MAML3: variants seen among roughly 807,000 people sequenced by gnomAD.
MAML3 encodes the protein mastermind like transcriptional coactivator 3, also known as mastermind-like protein 3.
MAML3 carries 27 observed loss-of-function variants against 101.9 expected under a neutral mutation model. The observed-to-expected ratio is 0.27, with a 90% CI of 0.20 to 0.37. The LOEUF is 0.37. Among genes scored for constraint, MAML3 ranks in the 10% least tolerant of loss-of-function variants. The pLI is 1.00. For missense variants in MAML3, 1,316 were observed against 1,444.9 expected (o/e 0.91, Z 1.45); for synonymous variants, 501 against 555.9 (o/e 0.90, Z 1.39).
At chr4:139,955,159 T>C (rs1490337370) in intron 1 of MAML3, among the ~76,000 whole-genome samples, 1 of 152,124 alleles carries the variant, frequency 6.6e-6, no homozygotes. Context: ...GAGTCCCTGA[T>C]TGCAAATTTT....
At chr4:139,844,992 CTGTCTCTCTCTCTG>C (rs930144964) in intron 2 of MAML3, among the ~76,000 whole-genome samples, 7 of 151,878 alleles carry the variant, frequency 4.6e-5, no homozygotes, top group African/African-American at 1.7e-4. Flanking sequence ...CTCTCTCTGT[CTGTCTCTCTCTCTG>C]TCTCTCTCTC....
At chr4:140,092,064 A>ATATATATATACG (rs1201377178) in intron 1 of MAML3, among the ~76,000 whole-genome samples, 2 of 70,738 alleles carry the variant, frequency 2.8e-5, no homozygotes, top group Non-Finnish European at 8.3e-5. Context: ...TAAAAACTTT[A>ATATATATATACG]TATATATATA....
intron 2 of MAML3, among the ~76,000 whole-genome samples, chr4:139,874,375 T>C (rs2111179829): frequency 6.6e-6 from 1 of 152,320 alleles, no homozygotes; most frequent in East Asian, 1.9e-4. Flanking sequence ...GGAACAATCT[T>C]GTCAGAGCCA....
At chr4:140,104,382 T>TATATATTATATA (rs1728305627) in intron 1 of MAML3, among the ~76,000 whole-genome samples, 2 of 39,910 alleles carry the variant, frequency 5.0e-5, no homozygotes, top group African/African-American at 1.0e-4. Flanking sequence ...ATATAATATA[T>TATATATTATATA]ATATATTATA....
intron 1 of MAML3, among the ~76,000 whole-genome samples, chr4:140,123,510 T>G (rs1339901482): frequency 6.6e-6 from 1 of 152,142 alleles, no homozygotes; most frequent in Non-Finnish European, 1.5e-5. Context: ...TTTCCTATTT[T>G]CTCTTTCTCT....
chr4:139,803,012 C>T (rs1416640972), intron 2 of MAML3, among the ~76,000 whole-genome samples: 2 of 152,228 alleles, frequency 1.3e-5, no homozygotes, highest in Non-Finnish European at 2.9e-5. Context: ...AACTATTTCT[C>T]TTTATAAATG....
At chr4:139,742,245 C>T (rs1331681990) in intron 2 of MAML3, among the ~76,000 whole-genome samples, 1 of 151,504 alleles carries the variant, frequency 6.6e-6, no homozygotes, top group African/African-American at 2.4e-5. Flanking sequence ...GCCTCCCGGG[C>T]TCAAGCAATT....
intron 2 of MAML3, among the ~76,000 whole-genome samples, chr4:139,848,733 C>G (rs1201200564): frequency 1.3e-5 from 2 of 152,094 alleles, no homozygotes; most frequent in South Asian, 2.1e-4. Flanking sequence ...TAAGTTTTGT[C>G]TAAGTTTTAG....
At chr4:140,088,065 A>C (rs1276658348) in intron 1 of MAML3, among the ~76,000 whole-genome samples, 2 of 152,072 alleles carry the variant, frequency 1.3e-5, no homozygotes, top group East Asian at 3.9e-4. Flanking sequence ...CTCAACTCCA[A>C]AAAAAATTTA....
At chr4:139,894,374 G>A (rs1266716187) in intron 1 of MAML3, among the ~76,000 whole-genome samples, 1 of 152,038 alleles carries the variant, frequency 6.6e-6, no homozygotes, top group Non-Finnish European at 1.5e-5. Context: ...CTGGGGTGGT[G>A]GCACACACCT....
intron 2 of MAML3, among the ~76,000 whole-genome samples, chr4:139,806,264 T>A (rs919823975): frequency 6.6e-6 from 1 of 152,096 alleles, no homozygotes; most frequent in Non-Finnish European, 1.5e-5. Context: ...ATATGTAAGT[T>A]TTTTAGAAAA....
intron 1 of MAML3, among the ~76,000 whole-genome samples, chr4:140,089,846 C>G (rs1043454818): frequency 2.6e-5 from 4 of 152,168 alleles, no homozygotes; most frequent in Non-Finnish European, 4.4e-5. Flanking sequence ...TGGTCTTGAA[C>G]TCCTGGCCTC....
intron 2 of MAML3, among the ~76,000 whole-genome samples, chr4:139,772,613 G>T (rs1234399212): frequency 6.6e-6 from 1 of 151,756 alleles, no homozygotes; most frequent in Non-Finnish European, 1.5e-5. Flanking sequence ...CAAGTGCAGG[G>T]ATTACAGGTG....
At chr4:140,149,736 T>C (rs1323625905) in intron 1 of MAML3, among the ~76,000 whole-genome samples, 1 of 152,194 alleles carries the variant, frequency 6.6e-6, no homozygotes, top group African/African-American at 2.4e-5. Flanking sequence ...ATCTGAGAAC[T>C]ACATTTAATT....
chr4:140,029,017 G>A (rs992923327), intron 1 of MAML3, among the ~76,000 whole-genome samples: 4 of 152,066 alleles, frequency 2.6e-5, no homozygotes, highest in South Asian at 2.1e-4. Context: ...AGGTGAAACC[G>A]CTGACCTTGA....
intron 1 of MAML3, among the ~76,000 whole-genome samples, chr4:140,016,290 TC>T (rs1232714171): frequency 1.3e-5 from 2 of 151,900 alleles, no homozygotes; most frequent in East Asian, 3.9e-4. Context: ...CCAAAGAAGA[TC>T]TAAATAAATG....
intron 1 of MAML3, among the ~76,000 whole-genome samples, chr4:139,900,797 T>C (rs143996281): frequency 6.6e-6 from 1 of 152,252 alleles, no homozygotes; most frequent in East Asian, 1.9e-4. Context: ...CACTGCTTAC[T>C]AAATGTTTCA....
At chr4:139,843,343 G>A (rs1245888026) in intron 2 of MAML3, among the ~76,000 whole-genome samples, 7 of 152,158 alleles carry the variant, frequency 4.6e-5, no homozygotes, top group Admixed American at 1.3e-4. Flanking sequence ...GTCTACTCTC[G>A]GGTCCATGTG....
chr4:140,127,381 T>C (rs1728700718), intron 1 of MAML3, among the ~76,000 whole-genome samples: 1 of 152,032 alleles, frequency 6.6e-6, no homozygotes, highest in Non-Finnish European at 1.5e-5. Flanking sequence ...CAGTCAGTGA[T>C]AAATGATGGG....
Sources: gnomAD v4.1 joint callset for allele counts (sites outside exome capture counted in the v4.1 genomes callset) on GRCh38, gnomAD v4.1.1 for gene constraint, MANE v1.5 for transcripts, NCBI Gene and HGNC (gene_info 2026-07-23, HGNC 2026-07-21) for gene names.